Variants in PDCD2 observed in about 807,000 individuals in gnomAD.
PDCD2 encodes programmed cell death 2.
Under a neutral mutation model 38.1 loss-of-function variants are expected in PDCD2, and 38 were observed. The observed-to-expected ratio is 1.00, with a 90% CI of 0.77 to 1.31. The LOEUF (loss-of-function observed/expected upper bound fraction) is 1.31. Ranked by LOEUF, PDCD2 falls within the 50% of genes most tolerant of loss-of-function variation. The pLI is 0.00. For missense variants in PDCD2, 473 were observed against 435.7 expected (o/e 1.09, Z -0.76); for synonymous variants, 205 against 168.9 (o/e 1.21, Z -1.66).
intron 3 of PDCD2, chr6:170,581,164 C>T (rs1294468585): frequency 6.6e-6 from 1 of 152,140 alleles, no homozygotes; most frequent in African/African-American, 2.4e-5. Context: ...AATGAACCGC[C>T]ACATATCATT....
intron 5 of PDCD2, 31 bp downstream of exon 5, chr6:170,578,826 C>T: frequency 7.8e-7 from 1 of 1,284,786 alleles, no homozygotes; most frequent in Non-Finnish European, 1.1e-6. Context: ...ATGGTGATTA[C>T]ACACTAAATG....
intron 4 of PDCD2, 74 bp downstream of exon 4, chr6:170,579,928 T>C: frequency 1.2e-6 from 1 of 817,956 alleles, no homozygotes; most frequent in Non-Finnish European, 2.1e-6. Flanking sequence ...TACTATGAAG[T>C]TATTTCTTAC....
rs767050564 is a variant in PDCD2, at chr6:170,583,603, G to C, written c.428C>G (p.Pro143Arg). The change falls in exon 2 of 6, where the codon CCC becomes CGC. Residue 143 changes from proline to arginine, a missense_variant. By Grantham distance (103) the Pro-to-Arg change is moderately radical (BLOSUM62 -2). Transcript: ENST00000541970. ...HLCRVCGCLG[P>R]KTCSRCHKAY... is the part of the protein sequence containing the mutation. Reference sequence around the variant, plus strand: ...TTTGTGGCATCTGGAGCACGTTTTGGGGCCTAAACAGCCACAAACCCTGCA... The same window carrying C: ...TTTGTGGCATCTGGAGCACGTTTTGCGGCCTAAACAGCCACAAACCCTGCA... 30 of 1,613,726 alleles carry C rather than the reference G, an allele frequency of 1.9e-5. No individual in the cohort carries two copies. In the East Asian group the frequency reaches 4.5e-4, roughly 24 times the overall value.
At position 170,577,517 on chromosome 6, in the gene PDCD2, G is replaced by C. The variant is rs1387535989; in HGVS notation, c.*42C>G. 2.6e-6 allele frequency: 4 copies of C among 1,525,624 alleles called. No individual in the cohort carries two copies. Among genetic ancestry groups the C allele is most frequent in the Non-Finnish European group, 3.6e-6 (4 of 1,104,322 alleles). 94.5% of individuals were successfully genotyped at this position (1,525,624 alleles called of 1,614,324 possible). Reference sequence around the variant, plus strand: ...AAAATCCCAGAAATGGAATTGCAAGGTATAAAAGATTATTAACATTTTTCA... The same window carrying C: ...AAAATCCCAGAAATGGAATTGCAAGCTATAAAAGATTATTAACATTTTTCA... On this transcript the variant is annotated 3_prime_UTR_variant, in exon 6 of 6. Transcript: ENST00000541970.
At chr6:170,582,779 CCA>C in intron 3 of PDCD2, 1 of 1,286,450 alleles carries the variant, frequency 7.8e-7, no homozygotes, top group South Asian at 2.2e-5. Flanking sequence ...GATCTGCGAC[CCA>C]GAGGAACTTA....
chr6:170,579,698 C>A (rs916415212), intron 4 of PDCD2: 1 of 200,826 alleles, frequency 5.0e-6, no homozygotes, highest in African/African-American at 2.3e-5. Flanking sequence ...GTGCCTAAAC[C>A]TCATGTACCT....
chr6:170,578,813 A>C lies in PDCD2; in HGVS notation c.876+44T>G, dbSNP rs770655113. 1.6e-5 allele frequency: 19 copies of C among 1,206,100 alleles called. No homozygotes were observed. The East Asian group carries it at 4.2e-4, about 27-fold the overall frequency. The allele number at this position is 1,206,100 out of a possible 1,614,324, so 74.7% of individuals were successfully genotyped here. On this transcript the variant is annotated intron_variant, in intron 5 of 5. Transcript: ENST00000541970. ...GTGAAGTTTTTAATGTTTAAAAACA[A>C]TCATGGTGATTACACACTAAATGGT...
intron 3 of PDCD2, 28 bp from the exon 4 acceptor site, chr6:170,580,133 A>G: frequency 7.6e-7 from 1 of 1,324,310 alleles, no homozygotes; most frequent in Non-Finnish European, 1.1e-6. Context: ...CTATTATGAA[A>G]AACAGGAGTA....
chr6:170,579,657 A>T (rs12194529), intron 4 of PDCD2: 7,116 of 165,856 alleles, frequency 0.043, 186 homozygotes, highest in Middle Eastern at 0.077. Context: ...GGCAAAAATA[A>T]CCTTTTTTCT....
intron 5 of PDCD2, chr6:170,578,411 ATCTTTAATGCTT>A: frequency 1.9e-6 from 1 of 537,818 alleles, no homozygotes; most frequent in South Asian, 2.6e-5. Context: ...AAGGACATTT[ATCTTTAATGCTT>A]ATATCCATTT....
chr6:170,582,025 A>C, intron 3 of PDCD2: 1 of 1,261,654 alleles, frequency 7.9e-7, no homozygotes, highest in Non-Finnish European at 1.1e-6. Flanking sequence ...TGATCCTGCT[A>C]CTCTAGGCTC....
rs1015154458 is a variant in PDCD2, at chr6:170,582,929, C to T, written c.658+128G>A. 6.7e-6 allele frequency: 10 copies of T among 1,494,248 alleles called. No individual in the cohort carries two copies. In the African/African-American group the frequency reaches 9.8e-5, roughly 15 times the overall value. The allele number at this position is 1,494,248 out of a possible 1,614,324, so 92.6% of individuals were successfully genotyped here. A position where few individuals can be genotyped will look rare whatever the true frequency, so the allele number is the denominator to read the frequency against. ...AGTATATTTTTACCTGAGGCAATAT[C>T]TGAAAATTGTATGCTACAGCCTCCA... On this transcript the variant is annotated intron_variant, in intron 3 of 5. Transcript: ENST00000541970.
chr6:170,579,404 A>T (rs1388576507), intron 4 of PDCD2: 1 of 160,658 alleles, frequency 6.2e-6, no homozygotes, highest in African/African-American at 2.4e-5. Context: ...AGTAAATTTC[A>T]CTGTAATAAG....
chr6:170,581,577 C>T lies in PDCD2; in HGVS notation c.659-1472G>A, dbSNP rs73258629. 8.8e-3 allele frequency: 1,342 copies of T among 153,322 alleles called. 16 individuals carry two copies. Among genetic ancestry groups the T allele is most frequent in the African/African-American group, 0.031 (1,297 of 41,518 alleles). 9.5% of individuals were successfully genotyped at this position (153,322 alleles called of 1,614,324 possible). ...TTCCTGACCTAGTTCTGGAATCAAC[C>T]ACCTCTCCAAAGAGCCTGGAGTTCC... is the stretch of plus-strand genomic sequence containing the variant. On this transcript the variant is annotated intron_variant, in intron 3 of 5. Coordinates refer to ENST00000541970, the MANE Select transcript of PDCD2 (RefSeq NM_002598.4).
chr6:170,583,614 G>A lies in PDCD2; in HGVS notation c.417C>T (p.Gly139=), dbSNP rs758688151. Residue 139 remains glycine, a synonymous_variant, in exon 2 of 6, where the codon GGC becomes GGT. Transcript: ENST00000541970. ...TGGAGCACGTTTTGGGGCCTAAACA[G>A]CCACAAACCCTGCAGAGATGAGCAC... ...KSGAHLCRVC[G]CLGPKTCSRC... 2 of 1,614,006 alleles carry A rather than the reference G, an allele frequency of 1.2e-6. No individual in the cohort carries two copies. Among genetic ancestry groups the A allele is most frequent in the Non-Finnish European group, 1.7e-6 (2 of 1,179,922 alleles).
At chr6:170,584,273 C>G (rs746492266) in intron 1 of PDCD2, 26 bp downstream of exon 1, 4 of 1,400,586 alleles carry the variant, frequency 2.9e-6, no homozygotes, top group East Asian at 2.7e-5. Flanking sequence ...GGCATGGCCC[C>G]GTCCCGACCC....
rs1470470344 is a variant in PDCD2 at position 170,577,366 on chromosome 6, G to T, written c.*193C>A. 1.8e-5 allele frequency: 10 copies of T among 554,816 alleles called. No individual in the cohort carries two copies. The highest frequency in any genetic ancestry group is 3.2e-5 in the Non-Finnish European group (10 of 311,480). The allele number at this position is 554,816 out of a possible 1,614,324, so 34.4% of individuals were successfully genotyped here. A position where few individuals can be genotyped will look rare whatever the true frequency, so the allele number is the denominator to read the frequency against. On this transcript the variant is annotated 3_prime_UTR_variant, in exon 6 of 6. Transcript: ENST00000541970. The stretch of plus-strand genomic sequence containing the variant: ...TAAGACTGTGTAGCCTTCCTCTGTG[G>T]ATGTACCAAAATTTATTTAATTCCC...
At position 170,579,994 on chromosome 6, in the gene PDCD2, C is replaced by T. The variant is rs1211488640; in HGVS notation, c.762+8G>A. On this transcript the variant is annotated splice_region_variant and intron_variant, in intron 4 of 5. Transcript: ENST00000541970. The stretch of plus-strand genomic sequence containing the variant: ...GAACACGATGAGGAGCTATGAGCTC[C>T]ACTTTACCTGTTCTGGTTCAAGGGC... The T allele has an allele frequency of 7.2e-7, 1 of 1,395,470 alleles. No individual in the cohort carries two copies. Among genetic ancestry groups the T allele is most frequent in the Non-Finnish European group, 1.0e-6 (1 of 980,560 alleles). 86.4% of individuals were successfully genotyped at this position (1,395,470 alleles called of 1,614,324 possible). A position where few individuals can be genotyped will look rare whatever the true frequency, so the allele number is the denominator to read the frequency against.
At chr6:170,584,218 C>A (rs111779044) in intron 1 of PDCD2, 81 bp downstream of exon 1, 5 of 1,280,714 alleles carry the variant, frequency 3.9e-6, no homozygotes, top group Non-Finnish European at 4.9e-6. Context: ...TGCTTGCCGC[C>A]GTCCCCCTGG....
Sources: gnomAD v4.1 joint callset for allele counts on GRCh38, gnomAD v4.1.1 for gene constraint, MANE v1.5 for transcripts, NCBI Gene and HGNC (gene_info 2026-07-23, HGNC 2026-07-21) for gene names.